The following TCEA1 variants were observed in gnomAD, a reference collection of about 807,000 sequenced individuals.
TCEA1 encodes transcription elongation factor A1.
Under a neutral mutation model 43.8 loss-of-function variants are expected in TCEA1, and 21 were observed. That is an observed-to-expected ratio of 0.48 (90% CI 0.34 to 0.69). The LOEUF (loss-of-function observed/expected upper bound fraction) is 0.69, where lower values mean the gene tolerates loss of function less well. TCEA1 is among the 30% of genes least tolerant of loss of function. The pLI, the probability that TCEA1 is intolerant of heterozygous loss-of-function variation, is 0.01. For synonymous variants in TCEA1, 104 were observed against 117.5 expected, an observed-to-expected ratio of 0.88 and a Z score of 0.75; for missense variants, 250 against 365.1, an observed-to-expected ratio of 0.68 and a Z score of 2.57.
chr8:53,985,005 T>C (rs943826762), intron 6 of TCEA1, among the ~76,000 whole-genome samples: 1 of 152,196 alleles, frequency 6.6e-6, no homozygotes, highest in Non-Finnish European at 1.5e-5. Context: ...ATAGTGATAT[T>C]ACTTTTACAC....
chr8:53,991,117 G>T (rs889708672), intron 4 of TCEA1, among the ~76,000 whole-genome samples: 2 of 152,138 alleles, frequency 1.3e-5, no homozygotes, highest in African/African-American at 4.8e-5. Context: ...GAGAGGCCAG[G>T]CGCAGTGGCT....
At chr8:53,987,564 TGA>T (rs1438633684) in intron 5 of TCEA1, among the ~76,000 whole-genome samples, 4 of 152,092 alleles carry the variant, frequency 2.6e-5, no homozygotes, top group African/African-American at 9.7e-5. Flanking sequence ...TGGTGCAGAA[TGA>T]GAGAAAAGAA....
intron 5 of TCEA1, 99 bp from the exon 6 acceptor site, chr8:53,987,124 T>C: frequency 1.0e-6 from 1 of 990,908 alleles, no homozygotes; most frequent in Non-Finnish European, 1.5e-6. Flanking sequence ...TTAAACCCCA[T>C]TTGCCTGACA....
intron 8 of TCEA1, among the ~76,000 whole-genome samples, chr8:53,977,367 C>T (rs1006258377): frequency 2.6e-5 from 4 of 152,116 alleles, no homozygotes; most frequent in Non-Finnish European, 5.9e-5. Context: ...CATAAAATAC[C>T]TAAGTTTCAC....
chr8:54,007,037 T>G (rs1804490049), intron 2 of TCEA1, among the ~76,000 whole-genome samples: 1 of 152,110 alleles, frequency 6.6e-6, no homozygotes, highest in Non-Finnish European at 1.5e-5. Context: ...GAGACGGGGT[T>G]TCACCATGTT....
chr8:54,007,347 A>AT (rs930514979), intron 2 of TCEA1, among the ~76,000 whole-genome samples: 1 of 151,920 alleles, frequency 6.6e-6, no homozygotes, highest in African/African-American at 2.4e-5. Flanking sequence ...GTGTGTGTGT[A>AT]TTTTTTTCTT....
chr8:54,021,433 G>T (rs1446282976), intron 1 of TCEA1: 2 of 152,198 alleles, frequency 1.3e-5, no homozygotes, highest in African/African-American at 4.8e-5. Context: ...GAGTGTGCGT[G>T]CTGTAGTCCT....
intron 4 of TCEA1, among the ~76,000 whole-genome samples, chr8:53,988,749 G>C (rs1803773935): frequency 6.6e-6 from 1 of 152,044 alleles, no homozygotes; most frequent in Admixed American, 6.6e-5. Context: ...ACCAAAACTA[G>C]AGATAGAGAG....
intron 8 of TCEA1, among the ~76,000 whole-genome samples, chr8:53,970,934 G>A (rs1803138030): frequency 6.6e-6 from 1 of 152,174 alleles, no homozygotes; most frequent in Non-Finnish European, 1.5e-5. Flanking sequence ...AAGTTAGGCA[G>A]CATTGTCTGT....
chr8:53,969,249 C>T (rs1246584741), intron 9 of TCEA1, among the ~76,000 whole-genome samples: 1 of 152,132 alleles, frequency 6.6e-6, no homozygotes, highest in Non-Finnish European at 1.5e-5. Flanking sequence ...GAGATAGCGC[C>T]ACTGCACTCC....
At chr8:53,980,951 G>C (rs956675769) in intron 7 of TCEA1, among the ~76,000 whole-genome samples, 3 of 152,176 alleles carry the variant, frequency 2.0e-5, no homozygotes, top group African/African-American at 7.2e-5. Flanking sequence ...CATGAATAAT[G>C]ATCAAAATAG....
chr8:54,010,617 AG>A (rs1804622066), intron 1 of TCEA1, 125 bp from the exon 2 acceptor site: 2 of 664,562 alleles, frequency 3.0e-6, no homozygotes, highest in Non-Finnish European at 5.1e-6. Context: ...AAGGAGCAAC[AG>A]CACCACCTAT....
intron 2 of TCEA1, among the ~76,000 whole-genome samples, chr8:54,001,959 T>C (rs536134419): frequency 3.4e-5 from 5 of 145,752 alleles, no homozygotes; most frequent in South Asian, 4.4e-4. Context: ...CTGGCCAATA[T>C]AGTAAAACTG....
intron 1 of TCEA1, among the ~76,000 whole-genome samples, chr8:54,013,942 C>T (rs1804738962): frequency 6.6e-6 from 1 of 152,066 alleles, no homozygotes; most frequent in Non-Finnish European, 1.5e-5. Context: ...TCTATGATTA[C>T]TAACTAGAAA....
chr8:54,003,791 T>C (rs1015845879), intron 2 of TCEA1, among the ~76,000 whole-genome samples: 7 of 151,890 alleles, frequency 4.6e-5, no homozygotes, highest in African/African-American at 1.4e-4. Context: ...AAAAATAGAA[T>C]ATATCAAAAT....
In TCEA1 at chr8:53,988,115, C is replaced by T. The variant is rs775867615; in HGVS notation, c.465G>A (p.Gly155=). The change falls in exon 5 of 10, where the codon GGG becomes GGA. Residue 155 remains glycine, a splice_region_variant and synonymous_variant. Transcript: ENST00000521604. ...REMLAAALRT[G]DDYIAIGADE... Reference sequence around the variant, plus strand: ...AGAAATAACATGCACTGGACTTACCCCCTGTTCGAAGAGCTGCAGCAAGCA... The same window carrying T: ...AGAAATAACATGCACTGGACTTACCTCCTGTTCGAAGAGCTGCAGCAAGCA... 1.9e-6 allele frequency: 3 copies of T among 1,610,740 alleles called. No individual in the cohort carries two copies. Among genetic ancestry groups the T allele is most frequent in the Non-Finnish European group, 2.5e-6 (3 of 1,179,294 alleles).
intron 2 of TCEA1, chr8:54,002,797 G>A (rs1804313206): frequency 2.3e-6 from 1 of 427,060 alleles, no homozygotes. Context: ...AAGCTTTCAG[G>A]ACAAACTATA....
intron 6 of TCEA1, 129 bp downstream of exon 6, chr8:53,986,840 T>C (rs1803704514): frequency 9.0e-6 from 6 of 666,798 alleles, no homozygotes; most frequent in Non-Finnish European, 1.3e-5. Context: ...TTTCTCTCTG[T>C]AAAATGGGAT....
chr8:54,015,773 G>A (rs1804799346), intron 1 of TCEA1, among the ~76,000 whole-genome samples: 1 of 152,088 alleles, frequency 6.6e-6, no homozygotes, highest in African/African-American at 2.4e-5. Flanking sequence ...ATAATAAAAA[G>A]ACAACCCAAT....
Sources: allele counts gnomAD v4.1 joint callset (sites outside exome capture counted in the v4.1 genomes callset), GRCh38; gene constraint gnomAD v4.1.1; transcripts MANE v1.5; gene names NCBI Gene and HGNC (gene_info 2026-07-23, HGNC 2026-07-21).